MBNL3: variants seen among roughly 807,000 people sequenced by gnomAD.
MBNL3 encodes the protein muscleblind like splicing regulator 3.
Under a neutral mutation model 24.5 loss-of-function variants are expected in MBNL3, and 6 were observed. The ratio of observed to expected loss-of-function variants is 0.25; its 90% CI spans 0.13 to 0.48. The LOEUF (loss-of-function observed/expected upper bound fraction) is 0.48. Ranked by LOEUF, MBNL3 falls within the 20% of genes least tolerant of loss-of-function variation. The pLI is 0.99. For synonymous variants in MBNL3, 100 were observed against 101.7 expected (o/e 0.98, Z 0.10); for missense variants, 230 against 293.5 (o/e 0.78, Z 1.58).
chrX:132,457,962 G>A (rs960749824), intron 1 of MBNL3, among the ~76,000 whole-genome samples: 2 of 111,633 alleles, frequency 1.8e-5, no homozygotes, highest in Admixed American at 1.9e-4. Flanking sequence ...AGAATTTTGA[G>A]AATTCTAGAA....
At chrX:132,398,806 C>T (rs187885518) in intron 3 of MBNL3, among the ~76,000 whole-genome samples, 1,439 of 110,875 alleles carry the variant, frequency 0.013, 25 homozygotes, top group African/African-American at 0.044. Context: ...ACAACCACCA[C>T]CACCACCACC....
rs1289539391 is a variant in MBNL3, at chrX:132,396,792, ATATT to A, written c.343-4462_343-4459del. Among the ~76,000 whole-genome samples the A allele has an allele frequency of 2.8e-4, 6 of 21,296 alleles. 1 individual carries two copies. The highest frequency in any genetic ancestry group is 1.3e-3 in the African/African-American group (3 of 2,303). The allele number at this position is 21,296 out of a possible 115,157, so 18.5% of individuals were successfully genotyped here. ...TATATACATATATATATTCATATAT[ATATT>A]CATATATATTCATATATACATATAT... On this transcript the variant is annotated intron_variant, in intron 3 of 8. Coordinates refer to ENST00000370853, the MANE Select transcript of MBNL3 (RefSeq NM_001386889.1).
At chrX:132,441,921 G>C (rs974499318) in intron 1 of MBNL3, among the ~76,000 whole-genome samples, 10 of 112,215 alleles carry the variant, frequency 8.9e-5, no homozygotes, top group Middle Eastern at 4.6e-3. Context: ...CCACAAATAG[G>C]AATGAAGGAC....
chrX:132,433,051 G>A (rs1437526944), intron 2 of MBNL3, among the ~76,000 whole-genome samples: 1 of 111,595 alleles, frequency 9.0e-6, no homozygotes, highest in East Asian at 2.8e-4. Context: ...AGCTTCCAAT[G>A]TTCTTCCTAG....
At chrX:132,485,808 G>A (rs184211372) in intron 1 of MBNL3, among the ~76,000 whole-genome samples, 1 of 112,364 alleles carries the variant, frequency 8.9e-6, no homozygotes, top group East Asian at 2.8e-4. Context: ...TATTTGAAGT[G>A]AGAGCTATAT....
intron 8 of MBNL3, chrX:132,381,523 C>T (rs1051822263): frequency 1.9e-6 from 1 of 518,749 alleles, no homozygotes; most frequent in Non-Finnish European, 3.1e-6. Context: ...AGTCTATAAG[C>T]ATGGTTCCCA....
intron 5 of MBNL3, among the ~76,000 whole-genome samples, chrX:132,387,274 GA>G (rs1230246022): frequency 3.1e-3 from 70 of 22,633 alleles, no homozygotes; most frequent in African/African-American, 3.9e-3. Flanking sequence ...CCTGTCTCAA[GA>G]AAAAAAAAAA....
rs753041560 is a variant in MBNL3 at position 132,409,751 on chromosome X, ACTCTCT to A, written c.178-3365_178-3360del. On this transcript the variant is annotated intron_variant, in intron 2 of 8. Transcript: ENST00000370853. Reference sequence around the variant, plus strand: ...AAGGGGAGTCAAGACATGAAAATCAACTCTCTCTCTCTCCCCCTCCCATATACACTC... The same window carrying A: ...AAGGGGAGTCAAGACATGAAAATCAACTCTCTCCCCCTCCCATATACACTC... Among the ~76,000 whole-genome samples the A allele has an allele frequency of 5.0e-3, 547 of 109,036 alleles. 5 individuals are homozygous for A. The highest frequency in any genetic ancestry group is 7.6e-3 in the Non-Finnish European group (396 of 52,341). 94.7% of individuals were successfully genotyped at this position (109,036 alleles called of 115,157 possible). A position where few individuals can be genotyped will look rare whatever the true frequency, so the allele number is the denominator to read the frequency against.
chrX:132,406,504 C>T, intron 2 of MBNL3, 112 bp from the exon 3 acceptor site: 1 of 691,074 alleles, frequency 1.4e-6, no homozygotes, highest in Non-Finnish European at 2.1e-6. Context: ...ATCTTGAATC[C>T]ATATAAGGCG....
At chrX:132,489,717 G>C (rs1948195525), upstream of MBNL3, 1 of 106,331 alleles carries the variant, frequency 9.4e-6, no homozygotes, top group South Asian at 3.8e-4. Context: ...AGCGGAGCGC[G>C]GGCGGGCATC....
At chrX:132,406,551 A>T (rs768339313) in intron 2 of MBNL3, among the ~76,000 whole-genome samples, 159 bp from the exon 3 acceptor site, 1 of 112,224 alleles carries the variant, frequency 8.9e-6, no homozygotes, top group African/African-American at 3.2e-5. Context: ...TCTGTTAATG[A>T]AATAATAAAT....
At chrX:132,467,122 G>T (rs144893279) in intron 1 of MBNL3, among the ~76,000 whole-genome samples, 13 of 111,607 alleles carry the variant, frequency 1.2e-4, no homozygotes, top group African/African-American at 3.6e-4. Flanking sequence ...AAAATGAAGC[G>T]ATATACAAGA....
chrX:132,449,786 G>T (rs1343704817), intron 1 of MBNL3, among the ~76,000 whole-genome samples: 1 of 110,778 alleles, frequency 9.0e-6, no homozygotes, highest in Non-Finnish European at 1.9e-5. Context: ...GCAGTGGCTG[G>T]TACCGGTTTT....
At chrX:132,464,851 C>T (rs1016134102) in intron 1 of MBNL3, among the ~76,000 whole-genome samples, 1 of 111,313 alleles carries the variant, frequency 9.0e-6, no homozygotes, top group Admixed American at 9.6e-5. Flanking sequence ...CCAGCCTGGC[C>T]AACATGGTTA....
intron 1 of MBNL3, among the ~76,000 whole-genome samples, chrX:132,463,821 T>C: frequency 8.9e-6 from 1 of 112,255 alleles, no homozygotes; most frequent in Non-Finnish European, 1.9e-5. Flanking sequence ...CCTATCACTG[T>C]GTAAGATTTA....
chrX:132,470,268 T>C, intron 1 of MBNL3, among the ~76,000 whole-genome samples: 1 of 111,790 alleles, frequency 8.9e-6, no homozygotes, highest in East Asian at 2.8e-4. Context: ...TTCACTTACA[T>C]TAACACTAAA....
intron 2 of MBNL3, among the ~76,000 whole-genome samples, chrX:132,423,114 C>T (rs893850496): frequency 9.0e-5 from 10 of 111,620 alleles, no homozygotes; most frequent in African/African-American, 2.9e-4. Flanking sequence ...TTAGCAGCCA[C>T]GTAAAAGAAG....
At chrX:132,453,541 C>A (rs1039095353) in intron 1 of MBNL3, among the ~76,000 whole-genome samples, 5 of 111,515 alleles carry the variant, frequency 4.5e-5, no homozygotes, top group African/African-American at 1.6e-4. Context: ...ATCAATGACC[C>A]CAGTCATTAA....
intron 1 of MBNL3, among the ~76,000 whole-genome samples, chrX:132,447,511 T>C (rs1945794212): frequency 9.0e-6 from 1 of 111,654 alleles, no homozygotes; most frequent in South Asian, 3.8e-4. Context: ...ATTCTCTTTG[T>C]AGCAATTGTG....
Sources: allele counts gnomAD v4.1 joint callset (sites outside exome capture counted in the v4.1 genomes callset), GRCh38; gene constraint gnomAD v4.1.1; transcripts MANE v1.5; gene names NCBI Gene and HGNC (gene_info 2026-07-23, HGNC 2026-07-21).